CLINT1: variants seen among roughly 807,000 people sequenced by gnomAD.
CLINT1 encodes the protein clathrin interactor 1, also known as clathrin interacting protein localized in the trans-Golgi region.
CLINT1 carries 15 observed loss-of-function variants against 70.4 expected under a neutral mutation model. That is an observed-to-expected ratio of 0.21 (90% confidence interval 0.14 to 0.33). The LOEUF is 0.33. CLINT1 is among the 10% of genes least tolerant of loss of function. The probability of loss-of-function intolerance (pLI) is 1.00; values close to 1 mark genes in which losing one functional copy is unlikely to be tolerated. For missense variants in CLINT1, 615 were observed against 778.1 expected, an observed-to-expected ratio of 0.79 and a Z score of 2.49; for synonymous variants, 227 against 254.7, an observed-to-expected ratio of 0.89 and a Z score of 1.04.
chr5:157,830,754 CT>C (rs1561662696), intron 1 of CLINT1, among the ~76,000 whole-genome samples: 1 of 109,448 alleles, frequency 9.1e-6, no homozygotes, highest in Non-Finnish European at 1.8e-5. Context: ...CTCCCTCTCT[CT>C]CCCTCTCTCT....
At chr5:157,854,258 G>T (rs1753673530) in intron 1 of CLINT1, among the ~76,000 whole-genome samples, 1 of 152,198 alleles carries the variant, frequency 6.6e-6, no homozygotes, top group Non-Finnish European at 1.5e-5. Flanking sequence ...CAAGGTTCTT[G>T]AAGGCAGGTA....
At chr5:157,845,902 T>A (rs1753360926) in intron 1 of CLINT1, among the ~76,000 whole-genome samples, 2 of 152,328 alleles carry the variant, frequency 1.3e-5, no homozygotes, top group South Asian at 4.1e-4. Context: ...TTATTCTTTC[T>A]GTTATAGCAG....
intron 8 of CLINT1, among the ~76,000 whole-genome samples, chr5:157,796,634 A>C (rs1348414908): frequency 6.6e-6 from 1 of 152,206 alleles, no homozygotes; most frequent in African/African-American, 2.4e-5. Flanking sequence ...GACAGCTTCC[A>C]ACATCTGGTG....
At chr5:157,840,368 G>T (rs977114997) in intron 1 of CLINT1, among the ~76,000 whole-genome samples, 18 of 151,710 alleles carry the variant, frequency 1.2e-4, no homozygotes, top group African/African-American at 4.4e-4. Flanking sequence ...TTAATTAAAT[G>T]AAATCCTGGA....
intron 11 of CLINT1, among the ~76,000 whole-genome samples, chr5:157,788,314 C>A (rs1392745970): frequency 6.6e-6 from 1 of 152,110 alleles, no homozygotes; most frequent in Non-Finnish European, 1.5e-5. Context: ...TATAAAAAAT[C>A]TTTCAAAGGT....
chr5:157,852,523 AGT>A (rs1314604329), intron 1 of CLINT1, among the ~76,000 whole-genome samples: 1 of 152,230 alleles, frequency 6.6e-6, no homozygotes, highest in African/African-American at 2.4e-5. Flanking sequence ...TGATTTTTCT[AGT>A]GTTATACTGT....
chr5:157,787,917 G>A lies in CLINT1; in HGVS notation c.1607C>T (p.Pro536Leu). 6.2e-7 allele frequency: 1 copy of A among 1,613,490 alleles called. No homozygotes were observed. Among genetic ancestry groups the A allele is most frequent in the Non-Finnish European group, 8.5e-7 (1 of 1,179,642 alleles). ...CAAAGCATTAGTTTGGGGCCGGACAGGAAGCATGTTCGATGGAGAACTGAG... is the reference window on the plus strand; with the variant it reads ...CAAAGCATTAGTTTGGGGCCGGACAAGAAGCATGTTCGATGGAGAACTGAG... Reference protein sequence around the residue: ...VNLSSPSNMLPVRPQTNALIG... With the variant: ...VNLSSPSNMLLVRPQTNALIG... Residue 536 changes from proline (P) to leucine (L), a missense_variant, in exon 12 of 12, where the codon CCT (proline) becomes CTT (leucine). Physicochemically the swap from Pro to Leu is moderately conservative, Grantham distance 98. Around this residue, in one of 2 missense-constraint regions of CLINT1, gnomAD observed 374 missense variants for 409.6 expected, o/e 0.91. Transcript: ENST00000411809.
At chr5:157,798,654 ACTC>A (rs1762131367) in intron 8 of CLINT1, among the ~76,000 whole-genome samples, 1 of 152,154 alleles carries the variant, frequency 6.6e-6, no homozygotes, top group African/African-American at 2.4e-5. Flanking sequence ...AAGGATGAAT[ACTC>A]CTAATAAATA....
chr5:157,794,023 C>T lies in CLINT1; in HGVS notation c.1087+875G>A, dbSNP rs527292770. On this transcript the variant is annotated intron_variant, in intron 9 of 11. Coordinates refer to ENST00000411809, the MANE Select transcript of CLINT1 (RefSeq NM_014666.4). Reference sequence around the variant, plus strand: ...ATATTGTCTCAAACTTCAGACTGACCAGATTTTATAAAACAAATACCACAA... The same window carrying T: ...ATATTGTCTCAAACTTCAGACTGACTAGATTTTATAAAACAAATACCACAA... Among the ~76,000 whole-genome samples, 15 of 151,944 alleles carry T rather than the reference C, an allele frequency of 9.9e-5. No individual in the cohort carries two copies. The South Asian group carries it at 2.9e-3, about 29-fold the overall frequency.
In CLINT1 at chr5:157,791,566, T is replaced by C. The variant is rs936346596; in HGVS notation, c.1380+137A>G. On this transcript the variant is annotated intron_variant, in intron 10 of 11. Transcript: ENST00000411809. Reference sequence around the variant, plus strand: ...TAAATGAAATGTGCAAATGCGTATATATACACACACAGACACATATTCATA... The same window carrying C: ...TAAATGAAATGTGCAAATGCGTATACATACACACACAGACACATATTCATA... 3.8e-6 allele frequency: 3 copies of C among 783,336 alleles called. No individual in the cohort carries two copies. The African/African-American group carries it at 5.2e-5, about 14-fold the overall frequency. 48.5% of individuals were successfully genotyped at this position (783,336 alleles called of 1,614,324 possible).
chr5:157,845,146 C>G (rs1257216499), intron 1 of CLINT1, among the ~76,000 whole-genome samples: 1 of 152,056 alleles, frequency 6.6e-6, no homozygotes, highest in Non-Finnish European at 1.5e-5. Context: ...GTCAGGAGTT[C>G]AAGACCAGCC....
rs575198938 is a variant in CLINT1 at position 157,829,063 on chromosome 5, T to C, written c.42-11516A>G. ...GTTGCAGTGAGTGGAGATCACACCATTGCACTCCAGCCTGGGCATGGAAGC... is the reference window on the plus strand; with the variant it reads ...GTTGCAGTGAGTGGAGATCACACCACTGCACTCCAGCCTGGGCATGGAAGC... On this transcript the variant is annotated intron_variant, in intron 1 of 11. Coordinates refer to ENST00000411809, the MANE Select transcript of CLINT1 (RefSeq NM_014666.4). Among the ~76,000 whole-genome samples the C allele has an allele frequency of 4.6e-5, 7 of 151,764 alleles. No homozygotes were observed. In the South Asian group the frequency reaches 6.2e-4, roughly 14 times the overall value.
At chr5:157,838,519 T>A (rs1384678374) in intron 1 of CLINT1, among the ~76,000 whole-genome samples, 1 of 152,242 alleles carries the variant, frequency 6.6e-6, no homozygotes, top group East Asian at 1.9e-4. Context: ...TAATTTTATC[T>A]ATAAATTCTC....
chr5:157,804,104 T>C (rs181564412), intron 7 of CLINT1, among the ~76,000 whole-genome samples: 271 of 151,102 alleles, frequency 1.8e-3, no homozygotes, highest in African/African-American at 5.8e-3. Context: ...TGAGTCATAA[T>C]TGCCCAGGTA....
chr5:157,806,675 T>C (rs1762395572), intron 6 of CLINT1, among the ~76,000 whole-genome samples: 1 of 152,184 alleles, frequency 6.6e-6, no homozygotes, highest in Non-Finnish European at 1.5e-5. Flanking sequence ...CATGAAAATA[T>C]AAGGGAATGC....
At chr5:157,830,796 C>A (rs28636897) in intron 1 of CLINT1, among the ~76,000 whole-genome samples, 23,075 of 84,828 alleles carry the variant, frequency 0.27, 3,425 homozygotes, top group African/African-American at 0.36. Flanking sequence ...CTCTCTCTCT[C>A]TATATATATA....
intron 1 of CLINT1, among the ~76,000 whole-genome samples, chr5:157,844,139 T>C (rs563903512): frequency 6.6e-6 from 1 of 152,220 alleles, no homozygotes; most frequent in South Asian, 2.1e-4. Flanking sequence ...TATTATCCAA[T>C]CTCAAAAACT....
At chr5:157,837,411 TACAC>T (rs112077491) in intron 1 of CLINT1, among the ~76,000 whole-genome samples, 20,577 of 147,674 alleles carry the variant, frequency 0.14, 1,547 homozygotes, top group Non-Finnish European at 0.19. Flanking sequence ...TATATGTAAA[TACAC>T]ACACACACAC....
intron 1 of CLINT1, among the ~76,000 whole-genome samples, chr5:157,840,250 T>TAAA (rs201168876): frequency 3.8e-5 from 5 of 129,964 alleles, no homozygotes; most frequent in Admixed American, 1.6e-4. Flanking sequence ...ATAGTCTATT[T>TAAA]AAAAAAAAAA....
Sources: gnomAD v4.1 joint callset for allele counts (sites outside exome capture counted in the v4.1 genomes callset) on GRCh38, gnomAD v4.1.1 for gene constraint, gnomAD v4.1.1 regional missense constraint, MANE v1.5 for transcripts, NCBI Gene and HGNC (gene_info 2026-07-23, HGNC 2026-07-21) for gene names.